THSD4: variants seen among roughly 807,000 people sequenced by gnomAD.
THSD4 encodes the protein thrombospondin type 1 domain containing 4.
Under a neutral mutation model 119.0 loss-of-function variants are expected in THSD4, and 69 were observed. That is an observed-to-expected ratio of 0.58 (90% CI 0.48 to 0.71). THSD4 has a LOEUF of 0.71. Among genes scored for constraint, THSD4 ranks in the 30% least tolerant of loss-of-function variants. THSD4 has a pLI of 0.00. For missense variants in THSD4, 1,393 were observed against 1,391.1 expected, an observed-to-expected ratio of 1.00 and a Z score of -0.02; for synonymous variants, 524 against 540.4, an observed-to-expected ratio of 0.97 and a Z score of 0.42.
At chr15:71,300,489 A>C (rs1020082595) in intron 6 of THSD4, among the ~76,000 whole-genome samples, 2 of 152,208 alleles carry the variant, frequency 1.3e-5, no homozygotes, top group Non-Finnish European at 2.9e-5. Flanking sequence ...CTGATTGTGA[A>C]GGATTGGCTT....
rs61122222 is a variant in THSD4, at chr15:71,288,745, C to A, written c.1015+32030C>A. ...CGTATCTTACTAATCACAACAGCAT[C>A]CACGTACACTTAAAATAGTGCCTAT... On this transcript the variant is annotated intron_variant, in intron 6 of 17. Coordinates refer to ENST00000261862, the MANE Select transcript of THSD4 (RefSeq NM_024817.3). Among the ~76,000 whole-genome samples, 747 of 152,298 alleles carry A rather than the reference C, an allele frequency of 4.9e-3. 5 individuals carry two copies. The highest frequency in any genetic ancestry group is 0.017 in the African/African-American group (714 of 41,556).
chr15:71,111,995 A>G (rs1332295104), upstream of THSD4: 5 of 1,018,360 alleles, frequency 4.9e-6, no homozygotes, highest in Admixed American at 5.3e-5. Flanking sequence ...TGTGTTCCCC[A>G]TAAGTTTCCC....
intron 3 of THSD4, among the ~76,000 whole-genome samples, chr15:71,156,063 A>C (rs1339426747): frequency 1.3e-5 from 2 of 152,288 alleles, no homozygotes; most frequent in East Asian, 1.9e-4. Context: ...GCTGCTCTGC[A>C]ACTGAGCAGA....
At chr15:71,720,460 C>A (rs973351191) in intron 8 of THSD4, among the ~76,000 whole-genome samples, 5 of 152,190 alleles carry the variant, frequency 3.3e-5, no homozygotes, top group African/African-American at 1.2e-4. Context: ...TCAGTAACTT[C>A]TGTAAAGTCC....
At chr15:71,436,201 C>T (rs2047011261) in intron 7 of THSD4, among the ~76,000 whole-genome samples, 1 of 152,144 alleles carries the variant, frequency 6.6e-6, no homozygotes, top group South Asian at 2.1e-4. Flanking sequence ...TCAGCTCAGA[C>T]AATGGGCTTA....
At chr15:71,738,553 G>A (rs1386804305) in intron 11 of THSD4, among the ~76,000 whole-genome samples, 2 of 152,160 alleles carry the variant, frequency 1.3e-5, no homozygotes, top group East Asian at 1.9e-4. Flanking sequence ...ATAGGGATTC[G>A]AGTTAATAAA....
Position 71,692,368 on chromosome 15 carries a change from T to C in THSD4, c.1357+31634T>C, listed in dbSNP as rs2052072216. Among the ~76,000 whole-genome samples, 2 of 152,230 alleles carry C rather than the reference T, an allele frequency of 1.3e-5. 1 individual carries two copies. Among genetic ancestry groups the C allele is most frequent in the South Asian group, 4.1e-4 (2 of 4,826 alleles). On this transcript the variant is annotated intron_variant, in intron 8 of 17. Coordinates refer to ENST00000261862, the MANE Select transcript of THSD4 (RefSeq NM_024817.3). The stretch of plus-strand genomic sequence containing the variant: ...CACGAGAGGACTTTTTTCCCCACTT[T>C]TATGTTGTTAGATGCCAAGGTGATT...
At chr15:71,323,026 G>A in intron 6 of THSD4, among the ~76,000 whole-genome samples, 1 of 150,868 alleles carries the variant, frequency 6.6e-6, no homozygotes, top group East Asian at 2.0e-4. Flanking sequence ...GAGCCTGGGA[G>A]GTTGAGGCTG....
At chr15:71,234,999 C>A (rs1252011890) in intron 4 of THSD4, among the ~76,000 whole-genome samples, 1 of 152,218 alleles carries the variant, frequency 6.6e-6, no homozygotes, top group Non-Finnish European at 1.5e-5. Flanking sequence ...TAATTTCTAC[C>A]ACCTAGTGTT....
At chr15:71,495,068 A>G (rs924405889) in intron 7 of THSD4, among the ~76,000 whole-genome samples, 1 of 152,076 alleles carries the variant, frequency 6.6e-6, no homozygotes, top group Non-Finnish European at 1.5e-5. Context: ...AAATGTGGGC[A>G]ATTTATTGCT....
intron 7 of THSD4, among the ~76,000 whole-genome samples, chr15:71,496,867 G>A (rs371604127): frequency 6.6e-6 from 1 of 152,186 alleles, no homozygotes; most frequent in South Asian, 2.1e-4. Flanking sequence ...AAAGAAGGTA[G>A]CAGCCATGCC....
At chr15:71,366,632 T>C (rs1310144770) in intron 6 of THSD4, among the ~76,000 whole-genome samples, 1 of 152,310 alleles carries the variant, frequency 6.6e-6, no homozygotes, top group South Asian at 2.1e-4. Context: ...CACTTTCTCA[T>C]GGAATCCTCT....
chr15:71,708,914 C>T (rs183487976), intron 8 of THSD4, among the ~76,000 whole-genome samples: 17 of 152,346 alleles, frequency 1.1e-4, no homozygotes, highest in Admixed American at 6.5e-5. Flanking sequence ...CAGCTGTGCA[C>T]AGAGCGTGGG....
rs1251474986 is a variant in THSD4, at chr15:71,778,855, T to G, written c.*1481T>G. ...GAAGGATGCAGTGCATATTGAAAGG[T>G]GGACCCTCTGAAAACAGTTAAGAGG... is the stretch of plus-strand genomic sequence containing the variant. On this transcript the variant is annotated 3_prime_UTR_variant, in exon 18 of 18. Coordinates refer to ENST00000261862, the MANE Select transcript of THSD4 (RefSeq NM_024817.3). 1 of 152,248 alleles carries G rather than the reference T, an allele frequency of 6.6e-6. No individual in the cohort carries two copies. The highest frequency in any genetic ancestry group is 1.5e-5 in the Non-Finnish European group (1 of 68,050). The allele number at this position is 152,248 out of a possible 1,614,324, so 9.4% of individuals were successfully genotyped here.
rs1465306447 is a variant in THSD4 at position 71,748,452 on chromosome 15, C to T, written c.2273C>T (p.Thr758Ile). Reference sequence around the variant, plus strand: ...GTGCCCTGCGGCGTGGGACAGAGGACCCGTGATGTGAAGTGTGTGAGCAAC... The same window carrying T: ...GTGCCCTGCGGCGTGGGACAGAGGATCCGTGATGTGAAGTGTGTGAGCAAC... ...CSVPCGVGQR[T>I]RDVKCVSNIG... Residue 758 changes from threonine (T) to isoleucine (I), a missense_variant, in exon 14 of 18, where the codon ACC (threonine) becomes ATC (isoleucine). Physicochemically the swap from Thr to Ile is moderately conservative, Grantham distance 89 (BLOSUM62 -1). Transcript: ENST00000261862. 3 of 1,614,034 alleles carry T rather than the reference C, an allele frequency of 1.9e-6. No homozygotes were observed. Among genetic ancestry groups the T allele is most frequent in the African/African-American group, 2.7e-5 (2 of 74,908 alleles).
intron 3 of THSD4, among the ~76,000 whole-genome samples, chr15:71,197,370 G>A (rs796848448): frequency 6.5e-4 from 99 of 152,268 alleles, no homozygotes; most frequent in African/African-American, 2.4e-3. Context: ...CAATGGTTTG[G>A]GCAGTTCAGT....
At chr15:71,736,408 A>T (rs373395318) in intron 10 of THSD4, among the ~76,000 whole-genome samples, 30 of 82,756 alleles carry the variant, frequency 3.6e-4, no homozygotes, top group Middle Eastern at 0.023. Flanking sequence ...TCGCTCTCTG[A>T]CTGTCTCGCT....
chr15:71,747,103 C>A, intron 13 of THSD4, 61 bp downstream of exon 13: 1 of 1,521,062 alleles, frequency 6.6e-7, no homozygotes, highest in Non-Finnish European at 8.8e-7. Context: ...CACTTTCCAG[C>A]CTCCCCCACC....
intron 3 of THSD4, among the ~76,000 whole-genome samples, chr15:71,206,921 A>G (rs11629607): frequency 0.54 from 82,341 of 152,094 alleles, 25,084 homozygotes; most frequent in Admixed American, 0.69. Context: ...AGCTTCAGTA[A>G]CAGATCGTAT....
Sources: allele counts gnomAD v4.1 joint callset (sites outside exome capture counted in the v4.1 genomes callset), GRCh38; gene constraint gnomAD v4.1.1; transcripts MANE v1.5; gene names NCBI Gene and HGNC (gene_info 2026-07-23, HGNC 2026-07-21).